Variants in USP36 observed in about 807,000 individuals in gnomAD.
USP36 encodes the protein ubiquitin carboxyl-terminal hydrolase 36.
In USP36, 59 loss-of-function variants were observed where a neutral mutation model predicts 111.5. That is an observed-to-expected ratio of 0.53 (90% CI 0.43 to 0.66). The LOEUF (loss-of-function observed/expected upper bound fraction) is 0.66, where lower values mean the gene tolerates loss of function less well. Ranked by LOEUF, USP36 falls within the 30% of genes least tolerant of loss-of-function variation. The pLI is 0.00. For synonymous variants in USP36, 628 were observed against 581.0 expected (o/e 1.08, Z -1.16); for missense variants, 1,488 against 1,468.0 (o/e 1.01, Z -0.22).
In USP36 at chr17:78,830,993, G is replaced by A. The variant is rs967881530; in HGVS notation, c.476-1986C>T. ...TGTAATCCCAGCACTTTGGGAGGCCGAGGCAGGTGGATCGCGAGGTCAGGA... is the reference window on the plus strand; with the variant it reads ...TGTAATCCCAGCACTTTGGGAGGCCAAGGCAGGTGGATCGCGAGGTCAGGA... On this transcript the variant is annotated intron_variant, in intron 4 of 20. Coordinates refer to ENST00000449938, the MANE Select transcript of USP36 (RefSeq NM_001385174.1). Among the ~76,000 whole-genome samples, 10 of 151,938 alleles carry A rather than the reference G, an allele frequency of 6.6e-5. No homozygotes were observed. The East Asian group carries it at 1.7e-3, about 27-fold the overall frequency.
chr17:78,821,937 C>G lies in USP36; in HGVS notation c.757G>C (p.Val253Leu). The part of the protein sequence containing the change: ...QIFGGYLRSR[V>L]KCSVCKSVSD... ...CAGTAGAACAAACGTCTCCACTTAC[C>G]GCGTGATCTGAGATACCCTCCAAAA... Residue 253 changes from valine (V) to leucine (L), a missense_variant and splice_region_variant, in exon 7 of 21, where the codon GTG (valine) becomes CTG (leucine). This residue lies in a region of USP36 where 196 missense variants were observed against 264.4 expected (regional missense o/e 0.74). Transcript: ENST00000449938. The G allele has an allele frequency of 6.2e-7, 1 of 1,614,096 alleles. No individual in the cohort carries two copies.
At chr17:78,801,759 A>G (rs1321199759) in intron 17 of USP36, among the ~76,000 whole-genome samples, 1 of 152,196 alleles carries the variant, frequency 6.6e-6, no homozygotes, top group East Asian at 1.9e-4. Context: ...CACAGAAAAA[A>G]ACTCAGGCTG....
chr17:78,837,539 G>T (rs957698297), intron 2 of USP36, among the ~76,000 whole-genome samples: 12 of 152,100 alleles, frequency 7.9e-5, no homozygotes, highest in African/African-American at 2.7e-4. Flanking sequence ...CCCTAACAGA[G>T]GATCGATACT....
At chr17:78,802,045 C>A (rs919158665) in intron 17 of USP36, among the ~76,000 whole-genome samples, 15 of 152,130 alleles carry the variant, frequency 9.9e-5, no homozygotes, top group Non-Finnish European at 1.5e-4. Flanking sequence ...CTGCTCTCAG[C>A]CTGTGCACTC....
chr17:78,827,907 T>G (rs1210947811), intron 5 of USP36, among the ~76,000 whole-genome samples: 1 of 152,116 alleles, frequency 6.6e-6, no homozygotes, highest in African/African-American at 2.4e-5. Context: ...CAAGACTCTA[T>G]CTCAGAAAGA....
Position 78,812,950 on chromosome 17 carries a change from G to A in USP36, c.1317C>T (p.Ser439=). ...CACTCGGGCGGCCGGGAAGGGAGGA[G>A]GAGCCTGTCCTGGAGATGAGGCCCT... ...SPEGLISRTG[S]SSLPGRPSVI... Residue 439 remains serine (S), a synonymous_variant, in exon 13 of 21, where the codon TCC becomes TCT. Coordinates refer to ENST00000449938, the MANE Select transcript of USP36 (RefSeq NM_001385174.1). 2 of 1,614,058 alleles carry A rather than the reference G, an allele frequency of 1.2e-6. No homozygotes were observed. Among genetic ancestry groups the A allele is most frequent in the Non-Finnish European group, 1.7e-6 (2 of 1,180,026 alleles).
rs531237606 is a variant in USP36, at chr17:78,800,159, C to T, written c.3023-391G>A. Reference sequence around the variant, plus strand: ...CAAAAAAAAAAAAACCCTCCAAAACCCCTTTAACCAGTAGTGTTAAGTCCT... The same window carrying T: ...CAAAAAAAAAAAAACCCTCCAAAACTCCTTTAACCAGTAGTGTTAAGTCCT... On this transcript the variant is annotated intron_variant, in intron 17 of 20. Transcript: ENST00000449938. 2.0e-5 allele frequency among the ~76,000 whole-genome samples: 3 copies of T among 151,470 alleles called. No individual in the cohort carries two copies. The East Asian group carries it at 5.8e-4, about 29-fold the overall frequency.
Position 78,814,408 on chromosome 17 carries a change from T to C in USP36, c.1164+4A>G. 6.2e-7 allele frequency: 1 copy of C among 1,613,988 alleles called. No homozygotes were observed. The highest frequency in any genetic ancestry group is 1.1e-5 in the South Asian group (1 of 91,084). On this transcript the variant is annotated splice_donor_region_variant and intron_variant, in intron 11 of 20. Coordinates refer to ENST00000449938, the MANE Select transcript of USP36 (RefSeq NM_001385174.1). ...AGGCAGCTGCACTGACACAAGCCTC[T>C]CACCTTCACGTAGCAGTAATAGTGC...
intron 4 of USP36, among the ~76,000 whole-genome samples, chr17:78,829,303 T>C (rs1164340583): frequency 6.6e-6 from 1 of 152,232 alleles, no homozygotes; most frequent in Non-Finnish European, 1.5e-5. Flanking sequence ...ATGATCCTTT[T>C]CAGATTTCAC....
At chr17:78,835,017 A>T (rs199829875) in intron 4 of USP36, among the ~76,000 whole-genome samples, 2 of 142,946 alleles carry the variant, frequency 1.4e-5, no homozygotes, top group Non-Finnish European at 3.1e-5. Context: ...ATATATATAT[A>T]TTTTGGAAGT....
At chr17:78,805,373 T>C (rs1180007938) in intron 15 of USP36, among the ~76,000 whole-genome samples, 2 of 152,120 alleles carry the variant, frequency 1.3e-5, no homozygotes, top group Non-Finnish European at 2.9e-5. Context: ...GGTGTGCTTG[T>C]GTGTGTATAT....
At chr17:78,833,007 G>T (rs1007519681) in intron 4 of USP36, among the ~76,000 whole-genome samples, 4 of 152,018 alleles carry the variant, frequency 2.6e-5, no homozygotes, top group African/African-American at 9.7e-5. Flanking sequence ...AATTAGCCAG[G>T]CGTGGTGGCG....
chr17:78,803,197 A>G lies in USP36; in HGVS notation c.2810+188T>C, dbSNP rs1598983461. On this transcript the variant is annotated intron_variant, in intron 16 of 20. Coordinates refer to ENST00000449938, the MANE Select transcript of USP36 (RefSeq NM_001385174.1). This position sits in a 1 kb window ranked among gnomAD's most constrained non-coding sequence, Gnocchi z 4.6. ...AGTGATCCACCCGCCTCAGCCTCCC[A>G]AAGTGCTAGGATTACAGGTGTGAGC... is the stretch of plus-strand genomic sequence containing the variant. 6.6e-6 allele frequency among the ~76,000 whole-genome samples: 1 copy of G among 152,180 alleles called. No individual in the cohort carries two copies. The highest frequency in any genetic ancestry group is 6.5e-5 in the Admixed American group (1 of 15,284).
At chr17:78,794,667 G>A (rs1162309605), downstream of USP36, among the ~76,000 whole-genome samples, 1 of 152,118 alleles carries the variant, frequency 6.6e-6, no homozygotes, top group Non-Finnish European at 1.5e-5. Flanking sequence ...CTCACACTTG[G>A]AATCCCAGCA....
At chr17:78,821,553 A>G (rs1026607971) in intron 7 of USP36, among the ~76,000 whole-genome samples, 1 of 148,826 alleles carries the variant, frequency 6.7e-6, no homozygotes, top group Non-Finnish European at 1.5e-5. Context: ...TCAGCCTCCC[A>G]AGTAGCTGGG....
At chr17:78,831,376 G>A (rs1248594468) in intron 4 of USP36, among the ~76,000 whole-genome samples, 1 of 151,900 alleles carries the variant, frequency 6.6e-6, no homozygotes, top group African/African-American at 2.4e-5. Flanking sequence ...ACTTTGGGAG[G>A]GTGAGGCGGG....
At position 78,821,411 on chromosome 17, in the gene USP36, TA is replaced by T. The variant is rs58296483; in HGVS notation, c.758-351del. 3.8e-3 allele frequency: 254 copies of T among 67,484 alleles called. 1 individual carries two copies. The highest frequency in any genetic ancestry group is 5.8e-3 in the African/African-American group (74 of 12,830). 4.2% of individuals were successfully genotyped at this position (67,484 alleles called of 1,614,324 possible). The stretch of plus-strand genomic sequence containing the variant: ...GAATATATATATATATATATATATA[TA>T]TATATATATTTTTTTTTTTTTTTTT... On this transcript the variant is annotated intron_variant, in intron 7 of 20. Coordinates refer to ENST00000449938, the MANE Select transcript of USP36 (RefSeq NM_001385174.1).
Position 78,799,696 on chromosome 17 carries a change from TA to T in USP36, c.3094del (p.Tyr1032ThrfsTer12). 1 of 1,612,960 alleles carries T rather than the reference TA, an allele frequency of 6.2e-7. No homozygotes were observed. Among genetic ancestry groups the T allele is most frequent in the Non-Finnish European group, 8.5e-7 (1 of 1,179,644 alleles). On this transcript the variant is annotated frameshift_variant, in exon 18 of 21. Transcript: ENST00000449938. LOFTEE classifies it high-confidence loss of function. ...ESDVVQELLKYSSDKAYGRKV... is the reference protein window; with the variant it reads ...ESDVVQELLKXSSDKAYGRKV... Reference sequence around the variant, plus strand: ...TCTCCCGTAAGCTTTATCAGATGAGTATTTGAGCAGTTCCTGGACCACATCA... The same window carrying T: ...TCTCCCGTAAGCTTTATCAGATGAGTTTTGAGCAGTTCCTGGACCACATCA...
chr17:78,813,978 A>G (rs574987949), intron 11 of USP36, 105 bp from the exon 12 acceptor site: 25 of 916,328 alleles, frequency 2.7e-5, no homozygotes, highest in Non-Finnish European at 4.1e-5. Context: ...CTACATTTCC[A>G]AACACTATTA....
Sources: allele counts gnomAD v4.1 joint callset (sites outside exome capture counted in the v4.1 genomes callset), GRCh38; gene constraint gnomAD v4.1.1; regional missense constraint gnomAD v4.1.1; non-coding constraint Gnocchi (gnomAD v3.1); transcripts MANE v1.5; gene names NCBI Gene and HGNC (gene_info 2026-07-23, HGNC 2026-07-21).